SESN1: variants seen among roughly 807,000 people sequenced by gnomAD.
SESN1 encodes the protein sestrin 1, also known as sestrin-1.
In SESN1, 30 loss-of-function variants were observed where a neutral mutation model predicts 59.3. That is an observed-to-expected ratio of 0.51 (90% confidence interval 0.38 to 0.69). The LOEUF (loss-of-function observed/expected upper bound fraction) is 0.69, where lower values mean the gene tolerates loss of function less well. Among genes scored for constraint, SESN1 ranks in the 30% least tolerant of loss-of-function variants. SESN1 has a pLI of 0.00. For synonymous variants in SESN1, 197 were observed against 219.9 expected (o/e 0.90, Z 0.92); for missense variants, 566 against 673.0 (o/e 0.84, Z 1.76).
chr6:108,997,997 A>C (rs1779535637), intron 5 of SESN1, among the ~76,000 whole-genome samples: 1 of 152,256 alleles, frequency 6.6e-6, no homozygotes, highest in Non-Finnish European at 1.5e-5. Flanking sequence ...TTCACCTGAT[A>C]TCACCTTCTA....
At chr6:108,999,601 G>C (rs1269542241) in intron 4 of SESN1, among the ~76,000 whole-genome samples, 1 of 152,128 alleles carries the variant, frequency 6.6e-6, no homozygotes, top group Non-Finnish European at 1.5e-5. Flanking sequence ...TTATCAGAAT[G>C]GCTGAAATCC....
At chr6:109,012,374 C>T (rs1164641079) in intron 1 of SESN1, among the ~76,000 whole-genome samples, 1 of 151,286 alleles carries the variant, frequency 6.6e-6, no homozygotes, top group African/African-American at 2.4e-5. Context: ...TATTTCCTTT[C>T]TTTTAAAAAG....
At chr6:109,083,220 A>C (rs1781154861) in intron 1 of SESN1, among the ~76,000 whole-genome samples, 1 of 152,214 alleles carries the variant, frequency 6.6e-6, no homozygotes, top group Non-Finnish European at 1.5e-5. Flanking sequence ...TCATGAGCAC[A>C]TGGCCAGTAA....
At chr6:109,093,279 A>G (rs77120723) in intron 1 of SESN1, among the ~76,000 whole-genome samples, 2,566 of 152,288 alleles carry the variant, frequency 0.017, 85 homozygotes, top group African/African-American at 0.059. Context: ...ACATGAAGAT[A>G]TTAGCTTCTT....
In SESN1 at chr6:109,056,664, T is replaced by C. The variant is rs914775673; in HGVS notation, c.279+37131A>G. 3.9e-5 allele frequency among the ~76,000 whole-genome samples: 6 copies of C among 152,298 alleles called. No individual in the cohort carries two copies. The East Asian group carries it at 1.2e-3, about 29-fold the overall frequency. ...CTTGAGAAGCTATGTTACACAGTTA[T>C]CACCAATGAGATACAAACAGAAGTC... On this transcript the variant is annotated intron_variant, in intron 1 of 9. Transcript: ENST00000436639.
chr6:109,071,210 C>T (rs1341649842), intron 1 of SESN1, among the ~76,000 whole-genome samples: 1 of 152,056 alleles, frequency 6.6e-6, no homozygotes, highest in South Asian at 2.1e-4. Context: ...CCTACTAGGG[C>T]AGACAGAATA....
chr6:109,013,195 T>C (rs1779887743), intron 1 of SESN1, among the ~76,000 whole-genome samples: 1 of 152,116 alleles, frequency 6.6e-6, no homozygotes, highest in Admixed American at 6.5e-5. Flanking sequence ...TTACTGAAAG[T>C]TGTAAACTGT....
At chr6:109,065,917 T>C (rs899272953) in intron 1 of SESN1, among the ~76,000 whole-genome samples, 4 of 152,060 alleles carry the variant, frequency 2.6e-5, no homozygotes, top group Non-Finnish European at 5.9e-5. Context: ...TTTACAAAGT[T>C]AGAACTCCTT....
intron 1 of SESN1, among the ~76,000 whole-genome samples, chr6:109,067,855 T>C (rs1780861092): frequency 6.6e-6 from 1 of 152,204 alleles, no homozygotes; most frequent in African/African-American, 2.4e-5. Flanking sequence ...CTCTACCCTG[T>C]TTTGTGCTTC....
rs542644762 is a variant in SESN1, at chr6:109,079,782, A to G, written c.279+14013T>C. Among the ~76,000 whole-genome samples, 4 of 152,344 alleles carry G rather than the reference A, an allele frequency of 2.6e-5. No homozygotes were observed. The South Asian group carries it at 8.3e-4, about 32-fold the overall frequency. On this transcript the variant is annotated intron_variant, in intron 1 of 9. Transcript: ENST00000436639. ...GGGATGCAAAAAAGTACTTTTCTAC[A>G]TTGTTTAAACACAATCCTTTATGAT...
chr6:109,032,058 TCG>T (rs1448436418), intron 1 of SESN1, among the ~76,000 whole-genome samples: 1 of 152,114 alleles, frequency 6.6e-6, no homozygotes, highest in Non-Finnish European at 1.5e-5. Context: ...TCACCTGAGG[TCG>T]AGAGTTTGAG....
chr6:109,082,543 A>G (rs891788156), intron 1 of SESN1, among the ~76,000 whole-genome samples: 1 of 152,148 alleles, frequency 6.6e-6, no homozygotes, highest in Non-Finnish European at 1.5e-5. Flanking sequence ...AACTTTGGCC[A>G]TGGGTCTCTC....
rs892305036 is a variant in SESN1, at chr6:109,094,240, T to C, written c.-167A>G. 1.5e-6 allele frequency: 1 copy of C among 687,082 alleles called. No individual in the cohort carries two copies. Among genetic ancestry groups the C allele is most frequent in the Non-Finnish European group, 2.4e-6 (1 of 415,090 alleles). The allele number at this position is 687,082 out of a possible 1,614,324, so 42.6% of individuals were successfully genotyped here. A position where few individuals can be genotyped will look rare whatever the true frequency, so the allele number is the denominator to read the frequency against. On this transcript the variant is annotated 5_prime_UTR_variant, in exon 1 of 10. Coordinates refer to ENST00000436639, the MANE Select transcript of SESN1 (RefSeq NM_014454.3). ...GAACCACTGGTGCCTTCAGCCGATCTACAAGCTAGGTCACCCTCTCACCCT... is the reference window on the plus strand; with the variant it reads ...GAACCACTGGTGCCTTCAGCCGATCCACAAGCTAGGTCACCCTCTCACCCT...
intron 1 of SESN1, among the ~76,000 whole-genome samples, chr6:109,046,299 G>C (rs1247753014): frequency 6.6e-6 from 1 of 151,720 alleles, no homozygotes; most frequent in Non-Finnish European, 1.5e-5. Flanking sequence ...TGGCCGGGCC[G>C]GTCTCCAGCC....
At position 109,066,649 on chromosome 6, in the gene SESN1, GAA is replaced by G. The variant is rs948807183; in HGVS notation, c.279+27144_279+27145del. Among the ~76,000 whole-genome samples the G allele has an allele frequency of 1.2e-3, 185 of 152,220 alleles. 1 individual carries two copies. The highest frequency in any genetic ancestry group is 4.0e-3 in the African/African-American group (166 of 41,516). Reference sequence around the variant, plus strand: ...TTTCAAGTATGTGTGATACGAAGTAGAAAAAAGAGGCTCATGAAGATAACTCA... The same window carrying G: ...TTTCAAGTATGTGTGATACGAAGTAGAAAAGAGGCTCATGAAGATAACTCA... On this transcript the variant is annotated intron_variant, in intron 1 of 9. Coordinates refer to ENST00000436639, the MANE Select transcript of SESN1 (RefSeq NM_014454.3).
At chr6:108,987,676 C>A in intron 9 of SESN1, 46 bp from the exon 10 acceptor site, 1 of 1,054,344 alleles carries the variant, frequency 9.5e-7, no homozygotes, top group Non-Finnish European at 1.5e-6. Flanking sequence ...TACAAGCATT[C>A]ACAATCAGTT....
chr6:109,003,081 C>T (rs1779661468), intron 1 of SESN1, among the ~76,000 whole-genome samples: 1 of 152,004 alleles, frequency 6.6e-6, no homozygotes, highest in African/African-American at 2.4e-5. Context: ...TTAACAAGAA[C>T]TGAAAATCTG....
intron 1 of SESN1, among the ~76,000 whole-genome samples, chr6:109,073,548 A>C (rs908485361): frequency 1.3e-5 from 2 of 152,214 alleles, no homozygotes; most frequent in Non-Finnish European, 2.9e-5. Flanking sequence ...ATTTTGGTTG[A>C]GCAAGAGTGC....
intron 1 of SESN1, among the ~76,000 whole-genome samples, chr6:109,068,245 T>C (rs1256063093): frequency 6.6e-6 from 1 of 152,174 alleles, no homozygotes; most frequent in Non-Finnish European, 1.5e-5. Flanking sequence ...CATTTTCTGC[T>C]AGGATCCTGG....
Sources: allele counts gnomAD v4.1 joint callset (sites outside exome capture counted in the v4.1 genomes callset), GRCh38; gene constraint gnomAD v4.1.1; transcripts MANE v1.5; gene names NCBI Gene and HGNC (gene_info 2026-07-23, HGNC 2026-07-21).